The following COA6 variants were observed in gnomAD, a reference collection of about 807,000 sequenced individuals.
COA6 encodes cytochrome c oxidase assembly factor 6.
COA6 carries 12 observed loss-of-function variants against 17.1 expected under a neutral mutation model. That is an observed-to-expected ratio of 0.70 (90% CI 0.45 to 1.14). The LOEUF is 1.14. Ranked by LOEUF, COA6 falls within the 50% of genes most tolerant of loss-of-function variation. COA6 has a pLI of 0.00. For synonymous variants in COA6, 90 were observed against 73.4 expected, an observed-to-expected ratio of 1.23 and a Z score of -1.16; for missense variants, 246 against 196.5, an observed-to-expected ratio of 1.25 and a Z score of -1.51.
At position 234,373,526 on chromosome 1, in the gene COA6, G is replaced by A. The variant is rs1366386194; in HGVS notation, c.60G>A (p.Arg20=). Residue 20 remains arginine (R), a synonymous_variant, in exon 1 of 3, where the codon CGG becomes CGA. Coordinates refer to ENST00000366615, the MANE Select transcript of COA6 (RefSeq NM_001206641.3). ...TTCGCCGCGTGAGTTGCTTTTTGCG[G>A]CTGGGGAGGTCTACGCTTCTAGAGC... ...PRFRRVSCFL[R]LGRSTLLELE... 3.7e-6 allele frequency: 6 copies of A among 1,608,268 alleles called. No individual in the cohort carries two copies. The highest frequency in any genetic ancestry group is 5.1e-6 in the Non-Finnish European group (6 of 1,177,662).
chr1:234,384,266 T>G lies in COA6; in HGVS notation c.*448T>G, dbSNP rs1659067032. ...TATACAAGTAAAATAATAAAAGCCA[T>G]CTATAAAAAAGCCCATAGCTAATAT... On this transcript the variant is annotated 3_prime_UTR_variant, in exon 3 of 3. Transcript: ENST00000366615. Among the ~76,000 whole-genome samples, 1 of 151,954 alleles carries G rather than the reference T, an allele frequency of 6.6e-6. No homozygotes were observed. The highest frequency in any genetic ancestry group is 2.1e-4 in the South Asian group (1 of 4,828).
chr1:234,379,846 A>G (rs1658918247), intron 2 of COA6, among the ~76,000 whole-genome samples: 1 of 152,162 alleles, frequency 6.6e-6, no homozygotes. Flanking sequence ...CGTGGGAGAA[A>G]CTACCCCGGT....
intron 2 of COA6, among the ~76,000 whole-genome samples, chr1:234,378,176 T>TA (rs1327832272): frequency 6.6e-6 from 1 of 152,138 alleles, no homozygotes; most frequent in African/African-American, 2.4e-5. Context: ...AATGGAATGA[T>TA]AGAGAAAAAA....
intron 2 of COA6, among the ~76,000 whole-genome samples, chr1:234,377,306 T>C (rs1658835230): frequency 6.6e-6 from 1 of 151,944 alleles, no homozygotes; most frequent in African/African-American, 2.4e-5. Flanking sequence ...TTTGTAGTTT[T>C]AGTAGAGATG....
intron 2 of COA6, among the ~76,000 whole-genome samples, chr1:234,376,364 C>G (rs1409544124): frequency 1.3e-5 from 2 of 152,190 alleles, no homozygotes; most frequent in Non-Finnish European, 2.9e-5. Flanking sequence ...AGACTGGGTG[C>G]CATCCCCTGA....
chr1:234,380,633 T>C (rs1479571087), intron 2 of COA6, among the ~76,000 whole-genome samples: 1 of 151,206 alleles, frequency 6.6e-6, no homozygotes, highest in Admixed American at 6.6e-5. Context: ...ATACAACTAA[T>C]ATGGTAGCTG....
intron 2 of COA6, among the ~76,000 whole-genome samples, chr1:234,377,934 C>T (rs142210878): frequency 3.9e-5 from 6 of 152,308 alleles, no homozygotes; most frequent in Non-Finnish European, 7.3e-5. Context: ...CCCGTAGAAC[C>T]GCAGAGCTGA....
intron 2 of COA6, among the ~76,000 whole-genome samples, chr1:234,376,935 C>T (rs371952147): frequency 5.9e-5 from 9 of 152,006 alleles, no homozygotes; most frequent in African/African-American, 2.2e-4. Context: ...AACAAAATAC[C>T]TTAGAGAAAT....
At chr1:234,381,370 CAGGCAGAATGTGGTAATATGCAA>C (rs1658965874) in intron 2 of COA6, among the ~76,000 whole-genome samples, 1 of 152,092 alleles carries the variant, frequency 6.6e-6, no homozygotes, top group African/African-American at 2.4e-5. Context: ...GAGAGCTTTC[CAGGCAGAATGTGGTAATATGCAA>C]AGGCATGGAA....
chr1:234,374,685 G>C (rs1297410801), intron 2 of COA6, among the ~76,000 whole-genome samples: 2 of 152,158 alleles, frequency 1.3e-5, no homozygotes, highest in Non-Finnish European at 2.9e-5. Context: ...TTCTGAAGGG[G>C]TAGTATTTAA....
At chr1:234,374,149 A>G in intron 1 of COA6, 81 bp from the exon 2 acceptor site, 1 of 1,253,476 alleles carries the variant, frequency 8.0e-7, no homozygotes, top group Non-Finnish European at 1.1e-6. Flanking sequence ...GGAAGAGGAG[A>G]TTGACGGTTT....
chr1:234,373,479 A>C lies in COA6; in HGVS notation c.13A>C (p.Lys5Gln). The C allele has an allele frequency of 6.4e-7, 1 of 1,550,940 alleles. No homozygotes were observed. Among genetic ancestry groups the C allele is most frequent in the Non-Finnish European group, 8.7e-7 (1 of 1,148,654 alleles). The change falls in exon 1 of 3, where the codon AAG (lysine) becomes CAG (glutamine). Residue 5 changes from lysine (K) to glutamine (Q), a missense_variant. Physicochemically the swap from Lys to Gln is moderately conservative, Grantham distance 53 (BLOSUM62 1). Coordinates refer to ENST00000366615, the MANE Select transcript of COA6 (RefSeq NM_001206641.3). The stretch of plus-strand genomic sequence containing the variant: ...CTATGGAAAGTAAATGGTAGCTCGG[A>C]AGGGTCAAAAGAGTCCGCGGTTTCG... Reference protein sequence around the residue: MVARKGQKSPRFRRV... With the variant: MVARQGQKSPRFRRV...
In COA6 at chr1:234,374,292, G is replaced by T; in HGVS notation, c.275G>T (p.Arg92Leu). 2 of 1,613,998 alleles carry T rather than the reference G, an allele frequency of 1.2e-6. No individual in the cohort carries two copies. Among genetic ancestry groups the T allele is most frequent in the Non-Finnish European group, 1.7e-6 (2 of 1,179,984 alleles). ...GAAAGACAGGTCTGCTGGGGGGCCC[G>T]GGATGAGTACTGGAAGTGTTTAGAT... ...MKERQVCWGA[R>L]DEYWKCLDEN... Residue 92 changes from arginine to leucine, a missense_variant, in exon 2 of 3, where the codon CGG becomes CTG. Physicochemically the swap from Arg to Leu is moderately radical, Grantham distance 102 (BLOSUM62 -2). Coordinates refer to ENST00000366615, the MANE Select transcript of COA6 (RefSeq NM_001206641.3).
intron 1 of COA6, 42 bp downstream of exon 1, chr1:234,373,720 T>C (rs748678347): frequency 1.2e-6 from 2 of 1,613,880 alleles, no homozygotes; most frequent in South Asian, 2.2e-5. Flanking sequence ...GCGTGGACTA[T>C]GGGCCCGGGA....
intron 2 of COA6, among the ~76,000 whole-genome samples, chr1:234,379,073 C>A (rs1322587138): frequency 7.3e-6 from 1 of 136,476 alleles, no homozygotes; most frequent in Non-Finnish European, 1.5e-5. Context: ...GTGGTGTGAT[C>A]TTTGCCATGT....
chr1:234,373,764 T>A, intron 1 of COA6, 86 bp downstream of exon 1: 1 of 1,613,830 alleles, frequency 6.2e-7, no homozygotes, highest in Non-Finnish European at 8.5e-7. Context: ...CGGGTTCCTC[T>A]TGTGCAAAAC....
chr1:234,378,969 G>A (rs1457441179), intron 2 of COA6, among the ~76,000 whole-genome samples: 2 of 150,636 alleles, frequency 1.3e-5, no homozygotes, highest in African/African-American at 4.9e-5. Context: ...ATAAGTTAGA[G>A]CCAAGAGACG....
At chr1:234,374,527 G>A in intron 2 of COA6, 138 bp downstream of exon 2, 1 of 791,594 alleles carries the variant, frequency 1.3e-6, no homozygotes, top group Non-Finnish European at 2.0e-6. Flanking sequence ...ACCTTGCCTG[G>A]TAATTCAGCC....
chr1:234,378,049 C>G (rs1658860840), intron 2 of COA6, among the ~76,000 whole-genome samples: 1 of 152,198 alleles, frequency 6.6e-6, no homozygotes, highest in African/African-American at 2.4e-5. Flanking sequence ...AGGAGTATGA[C>G]AGTTAATGGA....
Sources: gnomAD v4.1 joint callset for allele counts (sites outside exome capture counted in the v4.1 genomes callset) on GRCh38, gnomAD v4.1.1 for gene constraint, MANE v1.5 for transcripts, NCBI Gene and HGNC (gene_info 2026-07-23, HGNC 2026-07-21) for gene names.